The following MECOM variants were observed in gnomAD, a reference collection of about 807,000 sequenced individuals.
MECOM encodes histone-lysine N-methyltransferase MECOM.
A neutral mutation model predicts 116.3 loss-of-function variants in MECOM; 13 were observed. The ratio of observed to expected loss-of-function variants is 0.11; its 90% confidence interval spans 0.07 to 0.18. The LOEUF is 0.18. Ranked by LOEUF, MECOM falls within the 10% of genes least tolerant of loss-of-function variation. The pLI, the probability that MECOM is intolerant of heterozygous loss-of-function variation, is 1.00. For synonymous variants in MECOM, 528 were observed against 535.2 expected, an observed-to-expected ratio of 0.99 and a Z score of 0.19; for missense variants, 1,299 against 1,509.0, an observed-to-expected ratio of 0.86 and a Z score of 2.31.
intron 2 of MECOM, among the ~76,000 whole-genome samples, chr3:169,282,780 ATAAAT>A (rs1712372198): frequency 6.6e-6 from 1 of 151,934 alleles, no homozygotes; most frequent in Non-Finnish European, 1.5e-5. Context: ...ATATTTATTT[ATAAAT>A]TAATCAATTA....
chr3:169,533,507 C>A (rs6791548), intron 1 of MECOM, among the ~76,000 whole-genome samples: 1 of 151,056 alleles, frequency 6.6e-6, no homozygotes, highest in Non-Finnish European at 1.5e-5. Flanking sequence ...TGGAGGGGGA[C>A]GTGTAAGGTA....
intron 1 of MECOM, among the ~76,000 whole-genome samples, chr3:169,524,338 T>C (rs1373965921): frequency 1.3e-5 from 2 of 152,082 alleles, no homozygotes; most frequent in African/African-American, 4.8e-5. Flanking sequence ...GGGATTCAAA[T>C]CAAGATCCTC....
chr3:169,163,980 G>A (rs1295281974), intron 2 of MECOM, among the ~76,000 whole-genome samples: 1 of 152,190 alleles, frequency 6.6e-6, no homozygotes, highest in Non-Finnish European at 1.5e-5. Context: ...GAAGCAACAT[G>A]ATTTTGCCAA....
intron 1 of MECOM, among the ~76,000 whole-genome samples, chr3:169,464,339 CAT>C: frequency 6.6e-6 from 1 of 152,238 alleles, no homozygotes; most frequent in East Asian, 1.9e-4. Flanking sequence ...AAATGTAAAA[CAT>C]ATCTCTGTGA....
chr3:169,365,088 G>A (rs1728931894), intron 2 of MECOM, among the ~76,000 whole-genome samples: 1 of 151,996 alleles, frequency 6.6e-6, no homozygotes, highest in Non-Finnish European at 1.5e-5. Context: ...TCTTACAGGA[G>A]ATAATGACTT....
At chr3:169,570,151 G>T (rs1229132719) in intron 1 of MECOM, among the ~76,000 whole-genome samples, 6 of 151,956 alleles carry the variant, frequency 3.9e-5, no homozygotes, top group Admixed American at 6.6e-5. Context: ...TTATAAAGGG[G>T]ATATTATCAT....
rs1259448659 is a variant in MECOM, at chr3:169,477,093, GTGTGTGTGTGTGTATATATA to G, written c.38-95589_38-95570del. 2.3e-3 allele frequency: 130 copies of G among 56,028 alleles called. 2 individuals carry two copies. The East Asian group carries it at 0.037, about 16-fold the overall frequency. 3.5% of individuals were successfully genotyped at this position (56,028 alleles called of 1,614,324 possible). A position where few individuals can be genotyped will look rare whatever the true frequency, so the allele number is the denominator to read the frequency against. The stretch of plus-strand genomic sequence containing the variant: ...CTGGATAAGTAAGATGTGTGTGTGT[GTGTGTGTGTGTGTATATATA>G]TATATATATATATATATATATATAT... On this transcript the variant is annotated intron_variant, in intron 1 of 16. Transcript: ENST00000651503.
intron 2 of MECOM, among the ~76,000 whole-genome samples, chr3:169,187,796 G>A (rs1746976940): frequency 6.6e-6 from 1 of 152,090 alleles, no homozygotes; most frequent in Non-Finnish European, 1.5e-5. Context: ...AGTTGTTTAA[G>A]ACTGTACATC....
intron 2 of MECOM, among the ~76,000 whole-genome samples, chr3:169,313,213 G>T (rs1719123545): frequency 6.6e-6 from 1 of 152,204 alleles, no homozygotes; most frequent in Admixed American, 6.5e-5. Flanking sequence ...CATTGGATTT[G>T]GCAACATGAC....
chr3:169,591,419 TGATTGGAGAGTCGAGAGTCG>T (rs1560468942), intron 1 of MECOM, among the ~76,000 whole-genome samples: 2 of 152,154 alleles, frequency 1.3e-5, no homozygotes, highest in African/African-American at 4.8e-5. Flanking sequence ...ATCCCTGGAA[TGATTGGAGAGTCGAGAGTCG>T]GATGCACCAA....
At chr3:169,622,582 A>C (rs1770886699) in intron 1 of MECOM, among the ~76,000 whole-genome samples, 1 of 152,252 alleles carries the variant, frequency 6.6e-6, no homozygotes, top group Non-Finnish European at 1.5e-5. Context: ...TATATCTCAT[A>C]AAACATCAAC....
chr3:169,289,675 A>G (rs1039722248), intron 2 of MECOM, among the ~76,000 whole-genome samples: 1 of 152,168 alleles, frequency 6.6e-6, no homozygotes, highest in African/African-American at 2.4e-5. Flanking sequence ...ACTAAAATCA[A>G]ATGATTACCA....
chr3:169,654,524 AGCC>A (rs774516224), intron 1 of MECOM, among the ~76,000 whole-genome samples: 1 of 152,180 alleles, frequency 6.6e-6, no homozygotes, highest in Non-Finnish European at 1.5e-5. Flanking sequence ...TATCCACAGT[AGCC>A]AAATGACTCC....
At chr3:169,650,012 A>AT (rs946631960) in intron 1 of MECOM, among the ~76,000 whole-genome samples, 17 of 152,174 alleles carry the variant, frequency 1.1e-4, no homozygotes, top group African/African-American at 4.1e-4. Flanking sequence ...TTTTTTCTGA[A>AT]TTTTTTATAT....
intron 2 of MECOM, among the ~76,000 whole-genome samples, chr3:169,210,970 T>G (rs1750649835): frequency 6.6e-6 from 1 of 152,192 alleles, no homozygotes. Context: ...ATTTCAGTCT[T>G]GTTTATTCTA....
intron 9 of MECOM, among the ~76,000 whole-genome samples, chr3:169,108,604 T>C (rs189165699): frequency 6.6e-6 from 1 of 152,330 alleles, no homozygotes; most frequent in Admixed American, 6.5e-5. Context: ...CTTAAAAATA[T>C]CATTTTGCTT....
chr3:169,268,155 T>C (rs1758533379), intron 2 of MECOM, among the ~76,000 whole-genome samples: 1 of 152,198 alleles, frequency 6.6e-6, no homozygotes, highest in South Asian at 2.1e-4. Flanking sequence ...CTAAATCATC[T>C]GGGATGGAAA....
At chr3:169,243,628 G>C (rs531077241) in intron 2 of MECOM, among the ~76,000 whole-genome samples, 7 of 152,144 alleles carry the variant, frequency 4.6e-5, no homozygotes, top group Middle Eastern at 3.4e-3. Flanking sequence ...AAAAAATCCA[G>C]GTTAATTCAA....
chr3:169,607,988 G>A (rs530555657), intron 1 of MECOM, among the ~76,000 whole-genome samples: 3 of 152,192 alleles, frequency 2.0e-5, no homozygotes, highest in Non-Finnish European at 2.9e-5. Flanking sequence ...AACTCCCCTT[G>A]TCATGTATCC....
Sources: gnomAD v4.1 joint callset for allele counts (sites outside exome capture counted in the v4.1 genomes callset) on GRCh38, gnomAD v4.1.1 for gene constraint, MANE v1.5 for transcripts, NCBI Gene and HGNC (gene_info 2026-07-23, HGNC 2026-07-21) for gene names.